Variants in PCDH15 observed in about 807,000 individuals in gnomAD.
PCDH15 encodes the protein protocadherin-15.
PCDH15 carries 129 observed loss-of-function variants against 178.5 expected under a neutral mutation model. That is an observed-to-expected ratio of 0.72 (90% CI 0.63 to 0.84). The LOEUF is 0.84. PCDH15 is among the 40% of genes least tolerant of loss of function. The probability of loss-of-function intolerance (pLI) is 0.00; values close to 1 mark genes in which losing one functional copy is unlikely to be tolerated. For synonymous variants in PCDH15, 800 were observed against 732.0 expected (o/e 1.09, Z -1.50); for missense variants, 2,230 against 2,099.9 (o/e 1.06, Z -1.21).
At chr10:55,262,032 GAGGGAGGGAGGGAAAAAGGA>G (rs1204520743) in intron 1 of PCDH15, among the ~76,000 whole-genome samples, 51 of 142,376 alleles carry the variant, frequency 3.6e-4, no homozygotes, top group African/African-American at 1.3e-3. Flanking sequence ...ACAAAGAAGG[GAGGGAGGGAGGGAAAAAGGA>G]AGGGAGGGAG....
At chr10:53,996,319 ATATAT>A (rs1373244014) in intron 20 of PCDH15, among the ~76,000 whole-genome samples, 1 of 152,156 alleles carries the variant, frequency 6.6e-6, no homozygotes, top group African/African-American at 2.4e-5. Flanking sequence ...TTAAGATTAG[ATATAT>A]TTATACACAG....
intron 2 of PCDH15, among the ~76,000 whole-genome samples, chr10:54,579,799 T>C (rs1401965434): frequency 6.6e-6 from 1 of 151,930 alleles, no homozygotes; most frequent in African/African-American, 2.4e-5. Context: ...CCACAGTAGA[T>C]TAAAACCAGA....
At chr10:54,148,612 G>C (rs1380805305) in intron 14 of PCDH15, among the ~76,000 whole-genome samples, 1 of 151,882 alleles carries the variant, frequency 6.6e-6, no homozygotes, top group African/African-American at 2.4e-5. Context: ...TTGCTTTTTG[G>C]ATATATTAAG....
At chr10:55,125,426 T>C (rs1043309863) in intron 2 of PCDH15, among the ~76,000 whole-genome samples, 15 of 152,052 alleles carry the variant, frequency 9.9e-5, no homozygotes, top group African/African-American at 3.4e-4. Flanking sequence ...TAACCTGATT[T>C]ACCTCCCTTC....
At chr10:55,027,530 C>A (rs2131962393) in intron 2 of PCDH15, among the ~76,000 whole-genome samples, 1 of 151,824 alleles carries the variant, frequency 6.6e-6, no homozygotes, top group East Asian at 1.9e-4. Context: ...TTGAGGGCTT[C>A]TATTTGGGGT....
At chr10:53,898,173 T>C (rs1162224790) in intron 26 of PCDH15, among the ~76,000 whole-genome samples, 5 of 151,670 alleles carry the variant, frequency 3.3e-5, no homozygotes, top group Non-Finnish European at 7.4e-5. Flanking sequence ...TTCACCGTGT[T>C]AGCCAGGATG....
At chr10:55,365,116 G>C (rs1233391640) in intron 2 of PCDH15, among the ~76,000 whole-genome samples, 5 of 151,946 alleles carry the variant, frequency 3.3e-5, no homozygotes, top group Non-Finnish European at 7.4e-5. Flanking sequence ...TTTGACATCT[G>C]TTGATTTTCT....
rs937255718 is a variant in PCDH15 at position 54,296,003 on chromosome 10, G to T, written c.876+21268C>A. 6.0e-4 allele frequency among the ~76,000 whole-genome samples: 91 copies of T among 150,914 alleles called. 1 individual carries two copies. The highest frequency in any genetic ancestry group is 2.1e-3 in the African/African-American group (87 of 40,950). On this transcript the variant is annotated intron_variant, in intron 8 of 37. Transcript: ENST00000644397. ...ACTAAAAAATACAAAAAATTAGCCG[G>T]GCGTAGTGGCGGGCGCCTGTGGTCC... is the stretch of plus-strand genomic sequence containing the variant.
chr10:54,032,624 A>G (rs1009537999), intron 18 of PCDH15, among the ~76,000 whole-genome samples: 3 of 152,094 alleles, frequency 2.0e-5, no homozygotes, highest in Admixed American at 6.6e-5. Flanking sequence ...AAATATAAGA[A>G]AATAAGACAC....
chr10:55,423,423 A>G (rs557959282), intron 2 of PCDH15, among the ~76,000 whole-genome samples: 3 of 152,166 alleles, frequency 2.0e-5, no homozygotes, highest in Non-Finnish European at 2.9e-5. Context: ...GCCTATATGT[A>G]CTATATACAT....
At chr10:55,109,515 A>C (rs1269725873) in intron 2 of PCDH15, among the ~76,000 whole-genome samples, 3 of 152,192 alleles carry the variant, frequency 2.0e-5, no homozygotes, top group Non-Finnish European at 4.4e-5. Flanking sequence ...GAAAAGGGAA[A>C]TCAGTATTAA....
intron 2 of PCDH15, among the ~76,000 whole-genome samples, chr10:54,967,425 T>C (rs962552506): frequency 3.9e-5 from 6 of 152,308 alleles, no homozygotes; most frequent in South Asian, 2.1e-4. Flanking sequence ...GTAATTCCTC[T>C]TTCCCTTTCT....
At chr10:54,765,193 T>A (rs1296775127) in intron 1 of PCDH15, among the ~76,000 whole-genome samples, 1 of 152,184 alleles carries the variant, frequency 6.6e-6, no homozygotes, top group Non-Finnish European at 1.5e-5. Context: ...TAAATATTTT[T>A]ATGTTGCCAT....
intron 2 of PCDH15, among the ~76,000 whole-genome samples, chr10:54,954,782 T>C (rs1838438770): frequency 6.6e-6 from 1 of 151,274 alleles, no homozygotes; most frequent in African/African-American, 2.4e-5. Context: ...TTTATTAAAG[T>C]TTGTTGGGAC....
At chr10:55,028,924 G>A (rs930996199) in intron 2 of PCDH15, among the ~76,000 whole-genome samples, 8 of 151,868 alleles carry the variant, frequency 5.3e-5, no homozygotes, top group African/African-American at 1.9e-4. Flanking sequence ...TGCTTTTTCT[G>A]TTTCACGTAA....
At chr10:55,259,902 CAAAAAAAAAAAAAAAAAAAA>C (rs749939571) in intron 1 of PCDH15, among the ~76,000 whole-genome samples, 19 of 52,012 alleles carry the variant, frequency 3.7e-4, no homozygotes, top group African/African-American at 1.2e-3. Context: ...AACTCCGTCT[CAAAAAAAAAAAAAAAAAAAA>C]AAAAAAAAAA....
intron 3 of PCDH15, among the ~76,000 whole-genome samples, chr10:54,877,838 A>G (rs1954173572): frequency 6.6e-6 from 1 of 151,828 alleles, no homozygotes; most frequent in Non-Finnish European, 1.5e-5. Flanking sequence ...TAAGCATTAT[A>G]TAAGAAGCAG....
intron 3 of PCDH15, among the ~76,000 whole-genome samples, chr10:54,483,193 G>A (rs2078845827): frequency 6.6e-6 from 1 of 151,774 alleles, no homozygotes; most frequent in Non-Finnish European, 1.5e-5. Context: ...CTGAGTTACA[G>A]TCAACATGAA....
chr10:54,330,663 A>C lies in PCDH15; in HGVS notation c.595-957T>G, dbSNP rs766070782. ...GTCTAGGACTGAGTTTTTTCCTGGT[A>C]ACATGGAAGTCATAAGGGCAACACT... is the stretch of plus-strand genomic sequence containing the variant. On this transcript the variant is annotated intron_variant, in intron 6 of 37. Coordinates refer to ENST00000644397, the MANE Select transcript of PCDH15 (RefSeq NM_001384140.1). Among the ~76,000 whole-genome samples, 83 of 151,992 alleles carry C rather than the reference A, an allele frequency of 5.5e-4. 1 individual carries two copies. The highest frequency in any genetic ancestry group is 1.0e-3 in the Non-Finnish European group (71 of 67,866).
Sources: gnomAD v4.1 joint callset for allele counts (sites outside exome capture counted in the v4.1 genomes callset) on GRCh38, gnomAD v4.1.1 for gene constraint, MANE v1.5 for transcripts, NCBI Gene and HGNC (gene_info 2026-07-23, HGNC 2026-07-21) for gene names.